PARP9: variants seen among roughly 807,000 people sequenced by gnomAD.
The protein encoded by PARP9 is poly(ADP-ribose) polymerase family member 9, also known as protein mono-ADP-ribosyltransferase PARP9.
In PARP9, 48 loss-of-function variants were observed where a neutral mutation model predicts 68.8. That is an observed-to-expected ratio of 0.70 (90% CI 0.55 to 0.89). The LOEUF (loss-of-function observed/expected upper bound fraction) is 0.89. PARP9 is among the 40% of genes least tolerant of loss of function. The pLI is 0.00. For synonymous variants in PARP9, 309 were observed against 333.8 expected, an observed-to-expected ratio of 0.93 and a Z score of 0.81; for missense variants, 806 against 969.3, an observed-to-expected ratio of 0.83 and a Z score of 2.24.
rs560773283 is a variant in PARP9, at chr3:122,542,219, C to G, written c.1385-1367G>C. 6.0e-5 allele frequency among the ~76,000 whole-genome samples: 9 copies of G among 150,230 alleles called. No individual in the cohort carries two copies. The East Asian group carries it at 1.2e-3, about 19-fold the overall frequency. ...CTTCTTCCTTTCTCCTCTCCCTCCC[C>G]CTACCCCTTTCTTCTCCTCCTCCTC... On this transcript the variant is annotated intron_variant, in intron 7 of 10. Transcript: ENST00000682323.
In PARP9 at chr3:122,555,775, CTGTT is replaced by C; in HGVS notation, c.392_395del (p.Lys131SerfsTer14). ...ACACTTTACCATATCTGGCAACAAA[CTGTT>C]TGCTCTCTTCTTGGATTTCAAATCC... On this transcript the variant is annotated frameshift_variant, in exon 4 of 11. Coordinates refer to ENST00000682323, the MANE Select transcript of PARP9 (RefSeq NM_001146105.2). LOFTEE classifies it high-confidence loss of function. 3 of 1,614,068 alleles carry C rather than the reference CTGTT, an allele frequency of 1.9e-6. No individual in the cohort carries two copies. The highest frequency in any genetic ancestry group is 1.6e-4 in the Middle Eastern group (1 of 6,062).
chr3:122,559,181 T>C (rs1394347079), intron 2 of PARP9, among the ~76,000 whole-genome samples: 1 of 152,226 alleles, frequency 6.6e-6, no homozygotes, highest in Non-Finnish European at 1.5e-5. Flanking sequence ...ATGAGCCTCA[T>C]CAGCTCTGTC....
intron 6 of PARP9, 88 bp from the exon 7 acceptor site, chr3:122,545,577 G>T: frequency 1.6e-6 from 2 of 1,240,060 alleles, no homozygotes; most frequent in South Asian, 2.4e-5. Flanking sequence ...CACAGCACTT[G>T]ACTTCATCCA....
At chr3:122,528,794 T>C in intron 10 of PARP9, 51 bp from the exon 11 acceptor site, 1 of 1,443,702 alleles carries the variant, frequency 6.9e-7, no homozygotes, top group Non-Finnish European at 9.3e-7. Context: ...TGGTAAATGA[T>C]ATTGCCGATT....
Position 122,552,530 on chromosome 3 carries a change from G to T in PARP9, c.995C>A (p.Thr332Lys). The stretch of plus-strand genomic sequence containing the variant: ...GGACCGTTGAAACTGTTTAGCCTTT[G>T]TGGCAAGAAATTCCGATTTCATTTC... The part of the protein sequence containing the change: ...GVEMKSEFLA[T>K]KAKQFQRSQL... Residue 332 changes from threonine (T) to lysine (K), a missense_variant, in exon 5 of 11, where the codon ACA becomes AAA. This residue lies in a region of PARP9 where 680 missense variants were observed against 858.8 expected (regional missense o/e 0.79). Transcript: ENST00000682323. The T allele has an allele frequency of 6.2e-7, 1 of 1,614,020 alleles. No individual in the cohort carries two copies. Among genetic ancestry groups the T allele is most frequent in the Non-Finnish European group, 8.5e-7 (1 of 1,179,984 alleles).
chr3:122,532,165 C>G, intron 10 of PARP9: 2 of 985,476 alleles, frequency 2.0e-6, no homozygotes, highest in Non-Finnish European at 2.4e-6. Context: ...GGACCACTAC[C>G]CAAGACCCTG....
chr3:122,553,477 G>A (rs918703751), intron 4 of PARP9, among the ~76,000 whole-genome samples: 5 of 152,128 alleles, frequency 3.3e-5, no homozygotes, highest in African/African-American at 4.8e-5. Flanking sequence ...TGGGGGCACC[G>A]ACACCCTTTA....
chr3:122,552,467 C>T lies in PARP9; in HGVS notation c.1058G>A (p.Cys353Tyr). The T allele has an allele frequency of 1.9e-6, 3 of 1,614,010 alleles. No individual in the cohort carries two copies. The highest frequency in any genetic ancestry group is 2.5e-6 in the Non-Finnish European group (3 of 1,179,998). Reference sequence around the variant, plus strand: ...CCACAGTACATGGTATATATATTTACAGAACAAGTTAAATCCTTTTGTGAC... The same window carrying T: ...CCACAGTACATGGTATATATATTTATAGAACAAGTTAAATCCTTTTGTGAC... ...VLVTKGFNLFCKYIYHVLWHS... is the reference protein window; with the variant it reads ...VLVTKGFNLFYKYIYHVLWHS... Residue 353 changes from cysteine (C) to tyrosine (Y), a missense_variant, in exon 5 of 11, where the codon TGT (cysteine) becomes TAT (tyrosine). Cys to Tyr is a radical substitution (Grantham distance 194, BLOSUM62 -2). Around this residue, in one of 2 missense-constraint regions of PARP9, gnomAD observed 680 missense variants for 858.8 expected, o/e 0.79. Transcript: ENST00000682323.
intron 1 of PARP9, among the ~76,000 whole-genome samples, chr3:122,561,315 C>T (rs779663969): frequency 1.3e-5 from 2 of 152,120 alleles, no homozygotes; most frequent in Non-Finnish European, 2.9e-5. Context: ...AAAAAGTTAG[C>T]TGGCCATGTT....
intron 1 of PARP9, among the ~76,000 whole-genome samples, chr3:122,562,521 T>G (rs1443719867): frequency 1.3e-5 from 2 of 152,194 alleles, no homozygotes; most frequent in Non-Finnish European, 2.9e-5. Context: ...AAGATTTAAA[T>G]GTACCTAGTT....
intron 3 of PARP9, among the ~76,000 whole-genome samples, chr3:122,558,159 T>C (rs1003320238): frequency 6.6e-6 from 1 of 152,256 alleles, no homozygotes; most frequent in Non-Finnish European, 1.5e-5. Flanking sequence ...AGACAATCAG[T>C]TGGCCACCCC....
At chr3:122,529,863 G>A (rs6810306) in intron 10 of PARP9, among the ~76,000 whole-genome samples, 92,159 of 151,776 alleles carry the variant, frequency 0.61, 28,292 homozygotes, top group East Asian at 0.77. Flanking sequence ...AAGAGAAGAC[G>A]GAGTGCCTCC....
intron 8 of PARP9, among the ~76,000 whole-genome samples, chr3:122,538,689 C>T (rs940052338): frequency 4.6e-5 from 7 of 151,894 alleles, no homozygotes; most frequent in African/African-American, 1.7e-4. Flanking sequence ...CACACACACA[C>T]ACACTCTAAC....
Position 122,536,977 on chromosome 3 carries a change from T to C in PARP9, c.1862A>G (p.Asp621Gly), listed in dbSNP as rs1196617512. The C allele has an allele frequency of 1.9e-6, 3 of 1,613,862 alleles. No individual in the cohort carries two copies. The East Asian group carries it at 6.7e-5, about 36-fold the overall frequency. ...ACATTTTTCAAACTGTTTCTTTTGATCTAGAAGCTCTTGAGTTGGAGGCAC... is the reference window on the plus strand; with the variant it reads ...ACATTTTTCAAACTGTTTCTTTTGACCTAGAAGCTCTTGAGTTGGAGGCAC... ...CPVPPTQELLDQKKQFEKCGL... is the reference protein window; with the variant it reads ...CPVPPTQELLGQKKQFEKCGL... Residue 621 changes from aspartate (D) to glycine (G), a missense_variant, in exon 9 of 11, where the codon GAT (aspartate) becomes GGT (glycine). Asp to Gly is a moderately conservative substitution (Grantham distance 94, BLOSUM62 -1). Coordinates refer to ENST00000682323, the MANE Select transcript of PARP9 (RefSeq NM_001146105.2).
chr3:122,548,715 A>G (rs2078957808), intron 6 of PARP9, among the ~76,000 whole-genome samples: 1 of 152,170 alleles, frequency 6.6e-6, no homozygotes, highest in Admixed American at 6.6e-5. Context: ...TCAGACACAT[A>G]AGACAAGCTC....
intron 8 of PARP9, 63 bp from the exon 9 acceptor site, chr3:122,537,136 T>C (rs2077708490): frequency 5.4e-6 from 8 of 1,484,492 alleles, no homozygotes; most frequent in Non-Finnish European, 7.3e-6. Context: ...AGAAATTTAA[T>C]GAAACAAATT....
In PARP9 at chr3:122,564,287, G is replaced by A. The variant is rs528389408; in HGVS notation, c.-132C>T. 5.7e-6 allele frequency: 6 copies of A among 1,054,740 alleles called. No homozygotes were observed. Among genetic ancestry groups the A allele is most frequent in the African/African-American group, 3.3e-5 (2 of 61,010 alleles). The allele number at this position is 1,054,740 out of a possible 1,614,324, so 65.3% of individuals were successfully genotyped here. ...TCGGTGCAGACAGCACAGGGAGGAG[G>A]GGGAAGCGGCTCTGCCGGGAACAGG... is the stretch of plus-strand genomic sequence containing the variant. On this transcript the variant is annotated 5_prime_UTR_variant, in exon 1 of 11. Coordinates refer to ENST00000682323, the MANE Select transcript of PARP9 (RefSeq NM_001146105.2).
At position 122,555,467 on chromosome 3, in the gene PARP9, C is replaced by T. The variant is rs372485585; in HGVS notation, c.704G>A (p.Ser235Asn). The T allele has an allele frequency of 2.7e-5, 43 of 1,614,022 alleles. No homozygotes were observed. The African/African-American group carries it at 5.7e-4, about 22-fold the overall frequency. The change falls in exon 4 of 11, where the codon AGT (serine) becomes AAT (asparagine). Residue 235 changes from serine (S) to asparagine (N), a missense_variant. Ser to Asn is a conservative substitution (Grantham distance 46, BLOSUM62 1). Coordinates refer to ENST00000682323, the MANE Select transcript of PARP9 (RefSeq NM_001146105.2). ...RVSLQGKPMMSNLKEIHLVSN... is the reference protein window; with the variant it reads ...RVSLQGKPMMNNLKEIHLVSN... ...CACCAGGTGAATTTCTTTCAAATTA[C>T]TCATCATTGGCTTCCCTTGCAAACT...
At chr3:122,530,151 TG>T (rs1485471099) in intron 10 of PARP9, among the ~76,000 whole-genome samples, 2 of 124,230 alleles carry the variant, frequency 1.6e-5, no homozygotes, top group Non-Finnish European at 3.2e-5. Flanking sequence ...CACTCCAACC[TG>T]GGTGACAAAG....
Sources: gnomAD v4.1 joint callset for allele counts (sites outside exome capture counted in the v4.1 genomes callset) on GRCh38, gnomAD v4.1.1 for gene constraint, gnomAD v4.1.1 regional missense constraint, MANE v1.5 for transcripts, NCBI Gene and HGNC (gene_info 2026-07-23, HGNC 2026-07-21) for gene names.